VAT1L: variants seen among roughly 807,000 people sequenced by gnomAD.
The protein encoded by VAT1L is vesicle amine transport 1 like.
In VAT1L, 34 loss-of-function variants were observed where a neutral mutation model predicts 44.1. The observed-to-expected ratio is 0.77, with a 90% CI of 0.59 to 1.03. The LOEUF is 1.03. Ranked by LOEUF, VAT1L falls within the 50% of genes least tolerant of loss-of-function variation. The pLI, the probability that VAT1L is intolerant of heterozygous loss-of-function variation, is 0.00. For synonymous variants in VAT1L, 253 were observed against 202.2 expected, an observed-to-expected ratio of 1.25 and a Z score of -2.13; for missense variants, 615 against 538.8, an observed-to-expected ratio of 1.14 and a Z score of -1.40.
intron 7 of VAT1L, among the ~76,000 whole-genome samples, chr16:77,957,221 T>C (rs1454657218): frequency 6.6e-6 from 1 of 152,186 alleles, no homozygotes; most frequent in African/African-American, 2.4e-5. Context: ...CCCTTTTCCA[T>C]GAATTCTCAT....
intron 7 of VAT1L, among the ~76,000 whole-genome samples, chr16:77,895,505 G>T (rs566227017): frequency 2.0e-4 from 30 of 152,236 alleles, no homozygotes; most frequent in Middle Eastern, 3.4e-3. Context: ...GGAGTCAGAG[G>T]AGCAGATGCG....
At chr16:77,936,014 C>G (rs1046389023) in intron 7 of VAT1L, among the ~76,000 whole-genome samples, 1 of 152,046 alleles carries the variant, frequency 6.6e-6, no homozygotes, top group African/African-American at 2.4e-5. Context: ...CTTAATTTTC[C>G]TCTTTTGAGA....
chr16:77,946,397 C>A (rs983283943), intron 7 of VAT1L, among the ~76,000 whole-genome samples: 10 of 145,334 alleles, frequency 6.9e-5, no homozygotes, highest in Admixed American at 1.5e-4. Flanking sequence ...CATTCTCCTG[C>A]CTTAGACTCC....
intron 7 of VAT1L, among the ~76,000 whole-genome samples, chr16:77,946,279 C>CTTTTTTTTTTTCTTTTTTTTTT (rs2017964072): frequency 1.4e-5 from 1 of 70,426 alleles, no homozygotes; most frequent in Admixed American, 2.3e-4. Context: ...GTTACTTGTT[C>CTTTTTTTTTTTCTTTTTTTTTT]TTTTTTTTTT....
intron 3 of VAT1L, among the ~76,000 whole-genome samples, chr16:77,832,910 G>A: frequency 6.6e-6 from 1 of 152,152 alleles, no homozygotes; most frequent in East Asian, 1.9e-4. Context: ...ATTTGGACAT[G>A]CAAGATACAC....
chr16:77,879,166 C>T lies in VAT1L; in HGVS notation c.827-3C>T, dbSNP rs2017121690. The stretch of plus-strand genomic sequence containing the variant: ...GCTTAATGTGGGAATCTTTCATTTT[C>T]AGGCTCATCCAACATGGTAACTGGA... On this transcript the variant is annotated splice_polypyrimidine_tract_variant and splice_region_variant and intron_variant, in intron 5 of 8. Coordinates refer to ENST00000302536, the MANE Select transcript of VAT1L (RefSeq NM_020927.3). This position sits in a 1 kb window ranked among gnomAD's most constrained non-coding sequence, Gnocchi z 4.1. The T allele has an allele frequency of 1.2e-6, 2 of 1,614,076 alleles. No homozygotes were observed. Among genetic ancestry groups the T allele is most frequent in the Admixed American group, 1.7e-5 (1 of 60,000 alleles).
chr16:77,913,518 C>A (rs1335721294), intron 7 of VAT1L, among the ~76,000 whole-genome samples: 1 of 151,934 alleles, frequency 6.6e-6, no homozygotes, highest in East Asian at 1.9e-4. Context: ...TACAGAGACC[C>A]CCCTCCCTCT....
chr16:77,951,397 G>C (rs1459615655), intron 7 of VAT1L, among the ~76,000 whole-genome samples: 1 of 152,086 alleles, frequency 6.6e-6, no homozygotes, highest in Non-Finnish European at 1.5e-5. Flanking sequence ...AATACAAAAA[G>C]TAGCCAGGTG....
intron 7 of VAT1L, among the ~76,000 whole-genome samples, chr16:77,917,974 A>T (rs989297409): frequency 6.6e-6 from 1 of 152,204 alleles, no homozygotes; most frequent in Non-Finnish European, 1.5e-5. Context: ...CACCCTAGGA[A>T]AACATCAATT....
intron 7 of VAT1L, among the ~76,000 whole-genome samples, chr16:77,946,279 C>CGTTTTTTTTTTTT (rs1223152362): frequency 1.4e-5 from 1 of 70,430 alleles, no homozygotes; most frequent in African/African-American, 5.3e-5. Flanking sequence ...GTTACTTGTT[C>CGTTTTTTTTTTTT]TTTTTTTTTT....
At chr16:77,940,904 T>G (rs1163673759) in intron 7 of VAT1L, among the ~76,000 whole-genome samples, 1 of 152,176 alleles carries the variant, frequency 6.6e-6, no homozygotes, top group Non-Finnish European at 1.5e-5. Context: ...AAAGTCTCAG[T>G]GAGGTACTAA....
intron 3 of VAT1L, among the ~76,000 whole-genome samples, chr16:77,856,737 A>G (rs753309111): frequency 3.3e-5 from 5 of 152,206 alleles, no homozygotes; most frequent in Admixed American, 6.5e-5. Flanking sequence ...CTCTTCGCCC[A>G]TATGAACCTG....
At chr16:77,843,164 C>T (rs1057424905) in intron 3 of VAT1L, among the ~76,000 whole-genome samples, 1 of 152,210 alleles carries the variant, frequency 6.6e-6, no homozygotes, top group African/African-American at 2.4e-5. Flanking sequence ...AGGTACGGGT[C>T]TACCCATCTG....
intron 3 of VAT1L, among the ~76,000 whole-genome samples, chr16:77,851,884 G>A (rs1027035324): frequency 5.9e-5 from 9 of 152,076 alleles, no homozygotes; most frequent in East Asian, 3.9e-4. Context: ...AGTGCTGAGC[G>A]CCATCACACA....
intron 7 of VAT1L, among the ~76,000 whole-genome samples, chr16:77,889,876 C>T (rs2017245153): frequency 1.3e-5 from 2 of 152,092 alleles, no homozygotes; most frequent in Admixed American, 6.5e-5. Context: ...CACTTGAGGT[C>T]GGGAGTTCGA....
chr16:77,953,293 G>T (rs184544028), intron 7 of VAT1L, among the ~76,000 whole-genome samples: 1 of 152,286 alleles, frequency 6.6e-6, no homozygotes, highest in East Asian at 1.9e-4. Context: ...AAGCCACCTG[G>T]TTTGTGGTAC....
At chr16:77,847,076 A>T (rs7198967) in intron 3 of VAT1L, among the ~76,000 whole-genome samples, 4 of 152,158 alleles carry the variant, frequency 2.6e-5, no homozygotes, top group African/African-American at 9.7e-5. Context: ...AGGTCAGAGT[A>T]GGTCCTTCTG....
intron 1 of VAT1L, among the ~76,000 whole-genome samples, chr16:77,814,998 A>G (rs2016327589): frequency 6.6e-6 from 1 of 152,240 alleles, no homozygotes; most frequent in Admixed American, 6.5e-5. Context: ...AGCCCTGTGA[A>G]GTAGGTACTG....
chr16:77,880,012 A>G (rs1014737296), intron 6 of VAT1L, among the ~76,000 whole-genome samples: 11 of 152,110 alleles, frequency 7.2e-5, no homozygotes, highest in African/African-American at 2.4e-4. Context: ...AAGCTCATGA[A>G]CCACTCTCTT....
Sources: gnomAD v4.1 joint callset for allele counts (sites outside exome capture counted in the v4.1 genomes callset) on GRCh38, gnomAD v4.1.1 for gene constraint, Gnocchi (gnomAD v3.1) non-coding constraint, MANE v1.5 for transcripts, NCBI Gene and HGNC (gene_info 2026-07-23, HGNC 2026-07-21) for gene names.